NLGN1: variants seen among roughly 807,000 people sequenced by gnomAD.
The protein encoded by NLGN1 is neuroligin 1, also known as neuroligin-1.
NLGN1 carries 12 observed loss-of-function variants against 65.5 expected under a neutral mutation model. That is an observed-to-expected ratio of 0.18 (90% CI 0.12 to 0.30). NLGN1 has a LOEUF of 0.30. Ranked by LOEUF, NLGN1 falls within the 10% of genes least tolerant of loss-of-function variation. NLGN1 has a pLI of 1.00. For synonymous variants in NLGN1, 350 were observed against 359.5 expected, an observed-to-expected ratio of 0.97 and a Z score of 0.30; for missense variants, 750 against 1,007.1, an observed-to-expected ratio of 0.74 and a Z score of 3.46.
chr3:173,758,386 T>C (rs763591653), intron 3 of NLGN1, among the ~76,000 whole-genome samples: 39 of 152,098 alleles, frequency 2.6e-4, no homozygotes, highest in Non-Finnish European at 4.1e-4. Flanking sequence ...TCTAATGTTA[T>C]GTATTTTTTA....
intron 4 of NLGN1, among the ~76,000 whole-genome samples, chr3:173,922,235 A>T (rs1450622796): frequency 6.6e-6 from 1 of 152,082 alleles, no homozygotes; most frequent in Non-Finnish European, 1.5e-5. Flanking sequence ...GTGTTTGATC[A>T]ATTTTTATTA....
intron 2 of NLGN1, among the ~76,000 whole-genome samples, chr3:173,446,306 C>T (rs905986605): frequency 2.1e-5 from 3 of 145,756 alleles, no homozygotes; most frequent in African/African-American, 7.5e-5. Context: ...TGAGTGAGAA[C>T]ATGCGGTGTT....
exon 7 of NLGN1, chr3:174,281,117 C>T (rs761526793): frequency 1.2e-6 from 2 of 1,613,408 alleles, no homozygotes; most frequent in Middle Eastern, 1.7e-4. Flanking sequence ...CCCCAGATTA[C>T]ACACTAGCTA....
At position 174,231,294 on chromosome 3, in the gene NLGN1, T is replaced by A. The variant is rs192517852; in HGVS notation, c.647-44021T>A. On this transcript the variant is annotated intron_variant, in intron 4 of 6. Transcript: ENST00000457714. ...AGGAAATTCGCCGAGACTCCGGGTG[T>A]GCCTGCTGGTCAGAACACATTTATA... Among the ~76,000 whole-genome samples the A allele has an allele frequency of 4.6e-5, 7 of 152,310 alleles. No homozygotes were observed. The South Asian group carries it at 6.2e-4, about 14-fold the overall frequency.
intron 4 of NLGN1, among the ~76,000 whole-genome samples, chr3:173,978,444 A>G (rs921833396): frequency 6.6e-6 from 1 of 152,106 alleles, no homozygotes; most frequent in African/African-American, 2.4e-5. Context: ...CGTAGATAAA[A>G]TTAAAGAAAC....
chr3:173,598,631 A>G (rs935572223), intron 2 of NLGN1, among the ~76,000 whole-genome samples: 6 of 152,148 alleles, frequency 3.9e-5, no homozygotes, highest in African/African-American at 1.4e-4. Context: ...CTAGCCTGCC[A>G]TTTCAATCTT....
At chr3:173,452,877 G>A (rs550180303) in intron 2 of NLGN1, among the ~76,000 whole-genome samples, 14 of 152,006 alleles carry the variant, frequency 9.2e-5, no homozygotes, top group Admixed American at 1.3e-4. Flanking sequence ...TATAAATTAC[G>A]TTTACATGAC....
At chr3:173,935,620 ACACTCT>A (rs770645819) in intron 4 of NLGN1, among the ~76,000 whole-genome samples, 46 of 116,598 alleles carry the variant, frequency 3.9e-4, no homozygotes, top group South Asian at 1.4e-3. Flanking sequence ...ACACACACAC[ACACTCT>A]CTCTCTCTCT....
intron 4 of NLGN1, among the ~76,000 whole-genome samples, chr3:173,928,291 C>T (rs1743391032): frequency 6.6e-6 from 1 of 152,164 alleles, no homozygotes; most frequent in Non-Finnish European, 1.5e-5. Context: ...ACCACATAGC[C>T]TCTTTGGTAA....
At chr3:173,695,986 A>AT (rs1203512170) in intron 3 of NLGN1, among the ~76,000 whole-genome samples, 4 of 152,098 alleles carry the variant, frequency 2.6e-5, no homozygotes, top group Non-Finnish European at 4.4e-5. Flanking sequence ...TAATTTTTGT[A>AT]TTTTTTGTAG....
chr3:174,170,797 G>A (rs1193378761), intron 4 of NLGN1, among the ~76,000 whole-genome samples: 1 of 152,150 alleles, frequency 6.6e-6, no homozygotes, highest in East Asian at 1.9e-4. Context: ...AGTAGTATTA[G>A]TATAGGTTTT....
chr3:174,234,310 C>T (rs886935033), intron 4 of NLGN1, among the ~76,000 whole-genome samples: 5 of 152,230 alleles, frequency 3.3e-5, no homozygotes, highest in South Asian at 4.1e-4. Context: ...TTTTACGTGT[C>T]GGCATGCTTT....
intron 4 of NLGN1, among the ~76,000 whole-genome samples, chr3:174,140,131 A>G (rs140949984): frequency 2.6e-5 from 4 of 152,224 alleles, no homozygotes; most frequent in African/African-American, 9.6e-5. Flanking sequence ...TATTTATTTA[A>G]CACCTTTAAA....
intron 3 of NLGN1, among the ~76,000 whole-genome samples, chr3:173,667,185 AGGTT>A: frequency 1.3e-5 from 2 of 151,546 alleles, no homozygotes; most frequent in South Asian, 2.1e-4. Context: ...TTGGGCATTT[AGGTT>A]ATTTCCATTT....
At chr3:173,789,746 T>A in intron 3 of NLGN1, 1 of 436,190 alleles carries the variant, frequency 2.3e-6, no homozygotes, top group Non-Finnish European at 4.6e-6. Context: ...AATCTGGGCA[T>A]AATGTACGGT....
At chr3:173,492,040 A>G (rs1185089013) in intron 2 of NLGN1, among the ~76,000 whole-genome samples, 2 of 151,784 alleles carry the variant, frequency 1.3e-5, no homozygotes, top group Non-Finnish European at 2.9e-5. Context: ...TGGGTAAAGG[A>G]TGGGATATGA....
chr3:173,879,638 G>T (rs200737791), intron 4 of NLGN1, among the ~76,000 whole-genome samples: 2,573 of 142,014 alleles, frequency 0.018, 67 homozygotes, highest in African/African-American at 0.064. Flanking sequence ...TTTTCTGTGT[G>T]TTTTTTTTTT....
chr3:173,426,048 T>G (rs538397906), intron 1 of NLGN1, among the ~76,000 whole-genome samples: 1 of 152,250 alleles, frequency 6.6e-6, no homozygotes, highest in East Asian at 1.9e-4. Context: ...GTCTCACCTC[T>G]TTGGTGAAAT....
Position 173,485,601 on chromosome 3 carries a change from A to C in NLGN1, c.-321+50523A>C, listed in dbSNP as rs939922097. On this transcript the variant is annotated intron_variant, in intron 2 of 6. Coordinates refer to ENST00000457714, the Ensembl canonical transcript of NLGN1. Reference sequence around the variant, plus strand: ...GTTTCTCTCTTAATATTTTCAGTTCATCTTTCATGTCCTTCAGTCCAGCTA... The same window carrying C: ...GTTTCTCTCTTAATATTTTCAGTTCCTCTTTCATGTCCTTCAGTCCAGCTA... Among the ~76,000 whole-genome samples the C allele has an allele frequency of 5.9e-5, 9 of 152,236 alleles. No homozygotes were observed. The South Asian group carries it at 1.9e-3, about 32-fold the overall frequency.
Sources: gnomAD v4.1 joint callset for allele counts (sites outside exome capture counted in the v4.1 genomes callset) on GRCh38, gnomAD v4.1.1 for gene constraint, MANE v1.5 for transcripts, NCBI Gene and HGNC (gene_info 2026-07-23, HGNC 2026-07-21) for gene names.